Variants in FER observed in about 807,000 individuals in gnomAD.
The protein encoded by FER is FER tyrosine kinase.
FER carries 63 observed loss-of-function variants against 111.0 expected under a neutral mutation model. The observed-to-expected ratio is 0.57, with a 90% CI of 0.46 to 0.70. The LOEUF (loss-of-function observed/expected upper bound fraction) is 0.70, where lower values mean the gene tolerates loss of function less well. Ranked by LOEUF, FER falls within the 30% of genes least tolerant of loss-of-function variation. The probability of loss-of-function intolerance (pLI) is 0.00; values close to 1 mark genes in which losing one functional copy is unlikely to be tolerated. For missense variants in FER, 914 were observed against 954.0 expected (o/e 0.96, Z 0.55); for synonymous variants, 327 against 313.9 (o/e 1.04, Z -0.44).
intron 5 of FER, among the ~76,000 whole-genome samples, chr5:108,840,920 C>T: frequency 6.6e-6 from 1 of 152,126 alleles, no homozygotes; most frequent in East Asian, 1.9e-4. Flanking sequence ...CCCCAACAAC[C>T]TTCTATCCAA....
In FER at chr5:109,193,204, G is replaced by GAAT. The variant is rs2126911650; in HGVS notation, c.*5630_*5632dup. 1 of 152,176 alleles carries GAAT rather than the reference G, an allele frequency of 6.6e-6. No individual in the cohort carries two copies. The highest frequency in any genetic ancestry group is 1.9e-4 in the East Asian group (1 of 5,178). 9.4% of individuals were successfully genotyped at this position (152,176 alleles called of 1,614,324 possible). The stretch of plus-strand genomic sequence containing the variant: ...TCAGGAGGTAACCATTATTTAATCA[G>GAAT]AATTACCCTTGCTCTGTTTATCTGT... On this transcript the variant is annotated 3_prime_UTR_variant, in exon 20 of 20. Transcript: ENST00000281092.
intron 18 of FER, among the ~76,000 whole-genome samples, chr5:109,183,147 A>G (rs569363164): frequency 4.3e-4 from 66 of 152,012 alleles, no homozygotes; most frequent in Non-Finnish European, 8.4e-4. Context: ...CAGTCCAATG[A>G]GAGAGTTCCT....
chr5:109,074,268 A>C (rs1420159364), intron 16 of FER, among the ~76,000 whole-genome samples: 1 of 152,172 alleles, frequency 6.6e-6, no homozygotes, highest in Admixed American at 6.6e-5. Context: ...AAGATTCCAC[A>C]CTTTTCAGTT....
Position 108,809,012 on chromosome 5 carries a change from CTT to C in FER, c.207+10625_207+10626del, listed in dbSNP as rs1757478206. Among the ~76,000 whole-genome samples, 7 of 152,266 alleles carry C rather than the reference CTT, an allele frequency of 4.6e-5. No homozygotes were observed. In the South Asian group the frequency reaches 1.5e-3, roughly 32 times the overall value. On this transcript the variant is annotated intron_variant, in intron 3 of 19. Coordinates refer to ENST00000281092, the MANE Select transcript of FER (RefSeq NM_005246.4). The stretch of plus-strand genomic sequence containing the variant: ...GTGATCTGACCTTTTTCTCAGCTGC[CTT>C]TAAGATTTTTTTCTTTAGTTTTGAT...
chr5:108,792,261 CA>C (rs1303543248), intron 2 of FER, among the ~76,000 whole-genome samples: 1 of 152,200 alleles, frequency 6.6e-6, no homozygotes, highest in African/African-American at 2.4e-5. Context: ...ATTTGTAGAT[CA>C]AATTGGAGAA....
chr5:108,774,003 A>G (rs746679257), intron 2 of FER, among the ~76,000 whole-genome samples: 1 of 152,086 alleles, frequency 6.6e-6, no homozygotes, highest in South Asian at 2.1e-4. Context: ...TATGTGTGCC[A>G]TGGTGGTTTG....
At chr5:109,077,052 C>T (rs1365372912) in intron 16 of FER, among the ~76,000 whole-genome samples, 1 of 152,186 alleles carries the variant, frequency 6.6e-6, no homozygotes, top group Non-Finnish European at 1.5e-5. Flanking sequence ...CTTTTATATA[C>T]CATCATAAAT....
chr5:109,086,789 A>G (rs1192315924), intron 16 of FER, among the ~76,000 whole-genome samples: 1 of 151,370 alleles, frequency 6.6e-6, no homozygotes, highest in Non-Finnish European at 1.5e-5. Flanking sequence ...TTAGTTTGCT[A>G]GAGCTTCCAT....
At chr5:109,115,483 T>G (rs1400824014) in intron 17 of FER, among the ~76,000 whole-genome samples, 2 of 152,178 alleles carry the variant, frequency 1.3e-5, no homozygotes, top group African/African-American at 4.8e-5. Context: ...TGGTATCTTA[T>G]CTTAACTAAT....
intron 17 of FER, among the ~76,000 whole-genome samples, chr5:109,148,235 A>G (rs531305823): frequency 6.6e-6 from 1 of 152,230 alleles, no homozygotes; most frequent in Admixed American, 6.5e-5. Flanking sequence ...TGTATGCCAT[A>G]CAGTTACCTG....
chr5:109,072,003 C>T (rs765784465), intron 16 of FER, among the ~76,000 whole-genome samples: 4 of 150,668 alleles, frequency 2.7e-5, no homozygotes, highest in Admixed American at 6.6e-5. Context: ...CGTTATGTTA[C>T]GAACCTAATT....
intron 16 of FER, among the ~76,000 whole-genome samples, chr5:109,060,844 A>G (rs1261174202): frequency 6.6e-6 from 1 of 152,038 alleles, no homozygotes; most frequent in Non-Finnish European, 1.5e-5. Flanking sequence ...TGCTTGACAC[A>G]TAATCACTAT....
Position 109,194,184 on chromosome 5 carries a change from G to T in FER, c.*6609G>T, listed in dbSNP as rs1759573813. 1 of 152,164 alleles carries T rather than the reference G, an allele frequency of 6.6e-6. No individual in the cohort carries two copies. Among genetic ancestry groups the T allele is most frequent in the Non-Finnish European group, 1.5e-5 (1 of 68,032 alleles). 9.4% of individuals were successfully genotyped at this position (152,164 alleles called of 1,614,324 possible). A position where few individuals can be genotyped will look rare whatever the true frequency, so the allele number is the denominator to read the frequency against. On this transcript the variant is annotated 3_prime_UTR_variant, in exon 20 of 20. Coordinates refer to ENST00000281092, the MANE Select transcript of FER (RefSeq NM_005246.4). ...TATCTTAAACTCCTGGACATACTCA[G>T]TTCTTCCATTCCACTGTTCTATTGC...
In FER at chr5:109,012,797, G is replaced by GA. The variant is rs939002079; in HGVS notation, c.1657-24616dup. Reference sequence around the variant, plus strand: ...TTGGCTTTTGCCAAAATGGAAAAGAGAAAAAAAAATCAATGACTATAAATA... The same window carrying GA: ...TTGGCTTTTGCCAAAATGGAAAAGAGAAAAAAAAAATCAATGACTATAAATA... On this transcript the variant is annotated intron_variant, in intron 13 of 19. Transcript: ENST00000281092. Among the ~76,000 whole-genome samples, 47 of 150,016 alleles carry GA rather than the reference G, an allele frequency of 3.1e-4. No individual in the cohort carries two copies. In the East Asian group the frequency reaches 7.0e-3, roughly 22 times the overall value.
At chr5:108,836,649 A>G (rs1187653848) in intron 5 of FER, among the ~76,000 whole-genome samples, 1 of 152,034 alleles carries the variant, frequency 6.6e-6, no homozygotes, top group Admixed American at 6.6e-5. Context: ...TTTGTTAAAC[A>G]TTCTCGTTAT....
chr5:109,090,523 A>T (rs370167092), intron 16 of FER, among the ~76,000 whole-genome samples: 1 of 152,314 alleles, frequency 6.6e-6, no homozygotes, highest in African/African-American at 2.4e-5. Context: ...GGATTTATTA[A>T]TTACCTGACA....
At chr5:109,017,225 A>T (rs1279030168) in intron 13 of FER, among the ~76,000 whole-genome samples, 2 of 151,984 alleles carry the variant, frequency 1.3e-5, no homozygotes, top group Non-Finnish European at 2.9e-5. Context: ...AGGGCTAATG[A>T]GGGGCTAGGA....
At chr5:109,044,969 C>T (rs1771737921) in intron 15 of FER, 174 bp downstream of exon 15, 2 of 450,770 alleles carry the variant, frequency 4.4e-6, no homozygotes, top group Non-Finnish European at 4.0e-6. Flanking sequence ...ATTCAGCAAT[C>T]ATAGTCAAAC....
intron 3 of FER, chr5:108,819,713 C>G (rs1727503256): frequency 1.2e-6 from 1 of 814,838 alleles, no homozygotes; most frequent in Non-Finnish European, 1.5e-6. Context: ...TGGAGACCAT[C>G]AATTCCACCT....
Sources: gnomAD v4.1 joint callset for allele counts (sites outside exome capture counted in the v4.1 genomes callset) on GRCh38, gnomAD v4.1.1 for gene constraint, MANE v1.5 for transcripts, NCBI Gene and HGNC (gene_info 2026-07-23, HGNC 2026-07-21) for gene names.